Variants in SYN2 observed in about 807,000 individuals in gnomAD.
SYN2 encodes the protein synapsin II.
A neutral mutation model predicts 50.9 loss-of-function variants in SYN2; 19 were observed. That is an observed-to-expected ratio of 0.37 (90% CI 0.26 to 0.55). The LOEUF is 0.55. Ranked by LOEUF, SYN2 falls within the 20% of genes least tolerant of loss-of-function variation. SYN2 has a pLI of 0.81. For missense variants in SYN2, 587 were observed against 576.4 expected, an observed-to-expected ratio of 1.02 and a Z score of -0.19; for synonymous variants, 255 against 224.9, an observed-to-expected ratio of 1.13 and a Z score of -1.20.
intron 1 of SYN2, among the ~76,000 whole-genome samples, chr3:12,015,740 G>T (rs1694017640): frequency 6.6e-6 from 1 of 152,104 alleles, no homozygotes; most frequent in Non-Finnish European, 1.5e-5. Context: ...AAGAACAGCT[G>T]TTGTGCTCTC....
At chr3:12,156,969 TCA>T (rs1697477396) in intron 5 of SYN2, 1 of 1,468,114 alleles carries the variant, frequency 6.8e-7, no homozygotes, top group Non-Finnish European at 9.5e-7. Flanking sequence ...CAATATTGGG[TCA>T]GTGAGTGTAC....
At chr3:12,072,714 A>G (rs1695384317) in intron 1 of SYN2, among the ~76,000 whole-genome samples, 1 of 152,034 alleles carries the variant, frequency 6.6e-6, no homozygotes, top group East Asian at 1.9e-4. Flanking sequence ...AATTGCTTCC[A>G]TATTCATCCT....
chr3:12,185,472 C>G (rs1287683836), intron 11 of SYN2: 1 of 985,682 alleles, frequency 1.0e-6, no homozygotes, highest in Non-Finnish European at 1.2e-6. Flanking sequence ...CAAATGCAAG[C>G]AGATAGCATA....
intron 1 of SYN2, among the ~76,000 whole-genome samples, chr3:12,009,145 A>G (rs944132625): frequency 6.6e-6 from 1 of 152,210 alleles, no homozygotes; most frequent in Admixed American, 6.5e-5. Flanking sequence ...ATTGCACAGA[A>G]TTTGATTGTT....
intron 1 of SYN2, among the ~76,000 whole-genome samples, chr3:12,109,351 G>A (rs921366645): frequency 2.6e-5 from 4 of 152,072 alleles, no homozygotes; most frequent in African/African-American, 9.7e-5. Flanking sequence ...CTATCTTCAG[G>A]GTTATGAAGA....
chr3:12,069,334 C>T (rs1282924029), intron 1 of SYN2, among the ~76,000 whole-genome samples: 6 of 151,886 alleles, frequency 4.0e-5, no homozygotes, highest in African/African-American at 4.8e-5. Context: ...CTGCAACCTC[C>T]GCCTCCCGGG....
chr3:12,189,349 G>A (rs1698404586), intron 12 of SYN2, among the ~76,000 whole-genome samples: 1 of 152,150 alleles, frequency 6.6e-6, no homozygotes, highest in Admixed American at 6.5e-5. Flanking sequence ...GGGAGAATAG[G>A]CCCCTAAAAT....
intron 1 of SYN2, among the ~76,000 whole-genome samples, chr3:12,022,411 A>G (rs1574891544): frequency 6.6e-6 from 1 of 151,852 alleles, no homozygotes; most frequent in East Asian, 1.9e-4. Flanking sequence ...TATTATTATT[A>G]TTATTATTAG....
chr3:12,136,160 C>T (rs542927364), intron 1 of SYN2, among the ~76,000 whole-genome samples: 2 of 152,194 alleles, frequency 1.3e-5, no homozygotes, highest in South Asian at 2.1e-4. Flanking sequence ...AGGAAGAAGC[C>T]ATGTTGGCTG....
chr3:12,184,671 T>C, intron 11 of SYN2: 1 of 985,926 alleles, frequency 1.0e-6, no homozygotes, highest in Non-Finnish European at 1.2e-6. Flanking sequence ...GGACAGAGGC[T>C]CCACAGCGGT....
At chr3:12,184,375 G>A (rs943985745) in intron 11 of SYN2, 2 of 985,798 alleles carry the variant, frequency 2.0e-6, no homozygotes, top group Non-Finnish European at 2.4e-6. Context: ...AGCTTGACCT[G>A]TGTACAGAGA....
At chr3:12,032,999 C>T (rs1401649440) in intron 1 of SYN2, among the ~76,000 whole-genome samples, 2 of 127,076 alleles carry the variant, frequency 1.6e-5, no homozygotes, top group African/African-American at 3.1e-5. Flanking sequence ...GTTTTTTCCC[C>T]ATCTTTGTGG....
chr3:12,139,786 G>C (rs781235048), intron 1 of SYN2, among the ~76,000 whole-genome samples: 1 of 152,198 alleles, frequency 6.6e-6, no homozygotes, highest in African/African-American at 2.4e-5. Flanking sequence ...GTATGGAAAG[G>C]CCCTTTTGAC....
chr3:12,158,974 G>A (rs898758446), intron 5 of SYN2: 49 of 1,318,454 alleles, frequency 3.7e-5, no homozygotes, highest in African/African-American at 2.7e-4. Flanking sequence ...CCGCCCCGAC[G>A]GGCTCCGCCT....
intron 1 of SYN2, among the ~76,000 whole-genome samples, chr3:12,066,414 G>A (rs959988690): frequency 1.3e-5 from 2 of 152,138 alleles, no homozygotes; most frequent in Admixed American, 1.3e-4. Flanking sequence ...AAAACAGAAG[G>A]ATATTTGGAG....
At chr3:12,154,603 A>C in intron 5 of SYN2, 1 of 763,898 alleles carries the variant, frequency 1.3e-6, no homozygotes, top group Non-Finnish European at 2.1e-6. Context: ...AATAAATAAA[A>C]CTACTATAAT....
chr3:12,016,312 A>G lies in SYN2; in HGVS notation c.377+11384A>G, dbSNP rs908808986. Among the ~76,000 whole-genome samples, 10 of 152,340 alleles carry G rather than the reference A, an allele frequency of 6.6e-5. No homozygotes were observed. The South Asian group carries it at 1.9e-3, about 28-fold the overall frequency. ...ATGAAATAATTAGCAAACTGCTACTAACTTGAATGTGTTAGTTGCCATGAA... is the reference window on the plus strand; with the variant it reads ...ATGAAATAATTAGCAAACTGCTACTGACTTGAATGTGTTAGTTGCCATGAA... On this transcript the variant is annotated intron_variant, in intron 1 of 12. Transcript: ENST00000621198.
At chr3:12,172,986 G>A (rs766024814) in intron 10 of SYN2, among the ~76,000 whole-genome samples, 4 of 152,220 alleles carry the variant, frequency 2.6e-5, no homozygotes, top group African/African-American at 9.6e-5. Flanking sequence ...AATGCAGAGT[G>A]TGTGCTTAAA....
intron 1 of SYN2, among the ~76,000 whole-genome samples, chr3:12,083,250 G>A (rs1695618649): frequency 6.6e-6 from 1 of 152,200 alleles, no homozygotes; most frequent in Non-Finnish European, 1.5e-5. Flanking sequence ...GACCTCAGGT[G>A]ATCTGCCCAC....
Sources: allele counts gnomAD v4.1 joint callset (sites outside exome capture counted in the v4.1 genomes callset), GRCh38; gene constraint gnomAD v4.1.1; transcripts MANE v1.5; gene names NCBI Gene and HGNC (gene_info 2026-07-23, HGNC 2026-07-21).